The following MAP4K4 variants were observed in gnomAD, a reference collection of about 807,000 sequenced individuals.
MAP4K4 encodes HPK/GCK-like kinase HGK.
Under a neutral mutation model 189.6 loss-of-function variants are expected in MAP4K4, and 38 were observed. That is an observed-to-expected ratio of 0.20 (90% CI 0.15 to 0.26). The LOEUF is 0.26. MAP4K4 is among the 10% of genes least tolerant of loss of function. The pLI is 1.00. For missense variants in MAP4K4, 1,054 were observed against 1,726.9 expected, an observed-to-expected ratio of 0.61 and a Z score of 6.91; for synonymous variants, 610 against 624.3, an observed-to-expected ratio of 0.98 and a Z score of 0.34.
chr2:101,892,017 G>GAAAAAAAAAAAAAAAA (rs1190102913), exon 33 of MAP4K4: 1 of 98,880 alleles, frequency 1.0e-5, no homozygotes, highest in Non-Finnish European at 2.1e-5. Context: ...AAAAAAAAAG[G>GAAAAAAAAAAAAAAAA]AAAAAAAAAA....
At chr2:101,781,996 A>C (rs1379453944) in intron 2 of MAP4K4, among the ~76,000 whole-genome samples, 2 of 152,212 alleles carry the variant, frequency 1.3e-5, no homozygotes, top group Admixed American at 1.3e-4. Context: ...TGGAGTCAGA[A>C]TATTACTGCC....
chr2:101,764,011 A>AT (rs2077528462), intron 2 of MAP4K4, among the ~76,000 whole-genome samples: 1 of 151,868 alleles, frequency 6.6e-6, no homozygotes, highest in Non-Finnish European at 1.5e-5. Context: ...ATTGTGTCAC[A>AT]TTTTTTCATC....
At chr2:101,777,061 C>G (rs958628218) in intron 2 of MAP4K4, among the ~76,000 whole-genome samples, 86 of 152,190 alleles carry the variant, frequency 5.7e-4, no homozygotes, top group Non-Finnish European at 9.3e-4. Flanking sequence ...AGTAGAAAGT[C>G]ATAGCCAGGC....
At chr2:101,797,772 A>G (rs1423107651) in intron 3 of MAP4K4, among the ~76,000 whole-genome samples, 1 of 151,716 alleles carries the variant, frequency 6.6e-6, no homozygotes, top group African/African-American at 2.4e-5. Context: ...TTTAACAAGT[A>G]TAGTGATTTT....
chr2:101,870,174 G>A (rs1193108079), intron 22 of MAP4K4, 121 bp from the exon 23 acceptor site: 2 of 1,010,292 alleles, frequency 2.0e-6, no homozygotes, highest in Non-Finnish European at 2.8e-6. Flanking sequence ...TGCTTTTTTG[G>A]AGGAGGCTTT....
At chr2:101,797,106 C>G (rs2093779358) in intron 3 of MAP4K4, 1 of 679,178 alleles carries the variant, frequency 1.5e-6, no homozygotes. Flanking sequence ...CCATATAACA[C>G]TGAACAATTT....
At chr2:101,854,215 G>C (rs2097372255) in intron 12 of MAP4K4, among the ~76,000 whole-genome samples, 2 of 152,156 alleles carry the variant, frequency 1.3e-5, no homozygotes, top group South Asian at 2.1e-4. Flanking sequence ...TAGTGCAAGA[G>C]ACTTTATAGA....
chr2:101,775,088 G>T (rs1199174476), intron 2 of MAP4K4, among the ~76,000 whole-genome samples: 2 of 149,154 alleles, frequency 1.3e-5, no homozygotes, highest in Non-Finnish European at 3.0e-5. Context: ...GGCATTCGTG[G>T]ATTTTGTAGC....
intron 24 of MAP4K4, among the ~76,000 whole-genome samples, chr2:101,873,255 C>CT (rs1212211291): frequency 3.9e-5 from 6 of 152,166 alleles, no homozygotes; most frequent in Non-Finnish European, 7.3e-5. Context: ...TATTTGGACT[C>CT]TTGGGTAGGA....
chr2:101,807,581 A>T (rs1363790068), intron 3 of MAP4K4, among the ~76,000 whole-genome samples: 1 of 152,212 alleles, frequency 6.6e-6, no homozygotes, highest in African/African-American at 2.4e-5. Context: ...TCACATTGCT[A>T]TAAAGAAATA....
chr2:101,749,845 G>A (rs1335765232), intron 2 of MAP4K4, among the ~76,000 whole-genome samples: 147 of 125,156 alleles, frequency 1.2e-3, no homozygotes, highest in African/African-American at 6.0e-3. Context: ...CAAAAAGTGG[G>A]CGAAGGACAT....
chr2:101,853,530 A>G (rs1173888894), intron 12 of MAP4K4, among the ~76,000 whole-genome samples: 1 of 152,202 alleles, frequency 6.6e-6, no homozygotes, highest in Non-Finnish European at 1.5e-5. Flanking sequence ...GAATCAATCC[A>G]GGATGTCCAA....
chr2:101,735,105 A>G (rs546945887), intron 2 of MAP4K4, among the ~76,000 whole-genome samples: 1 of 152,314 alleles, frequency 6.6e-6, no homozygotes, highest in South Asian at 2.1e-4. Context: ...TCCCTTGATT[A>G]AGAGGCTTAA....
At position 101,729,101 on chromosome 2, in the gene MAP4K4, AGT is replaced by A. The variant is rs57635166; in HGVS notation, c.123+30592_123+30593del. Among the ~76,000 whole-genome samples, 81 of 130,596 alleles carry A rather than the reference AGT, an allele frequency of 6.2e-4. 2 individuals carry two copies. The South Asian group carries it at 0.014, about 23-fold the overall frequency. The allele number at this position is 130,596 out of a possible 152,430, so 85.7% of individuals were successfully genotyped here. On this transcript the variant is annotated intron_variant, in intron 2 of 32. Coordinates refer to ENST00000324219, the Ensembl canonical transcript of MAP4K4. ...AGGAGAGAGAGAGAGAGAGAGAGAG[AGT>A]GTGTGTGTGTGTGTGTGTGTGTGTG...
chr2:101,725,506 G>T (rs1435601450), intron 2 of MAP4K4, among the ~76,000 whole-genome samples: 2 of 152,002 alleles, frequency 1.3e-5, no homozygotes, highest in African/African-American at 2.4e-5. Context: ...AAATGGTAAG[G>T]TATGTACCAT....
chr2:101,834,511 A>T (rs1360817923), intron 8 of MAP4K4, 48 bp downstream of exon 8: 2 of 1,453,590 alleles, frequency 1.4e-6, no homozygotes, highest in Middle Eastern at 1.7e-4. Context: ...ATGTGACTTA[A>T]ACCCCTCCCA....
At chr2:101,825,423 C>A (rs1244157799) in exon 5 of MAP4K4, 1 of 1,611,416 alleles carries the variant, frequency 6.2e-7, no homozygotes, top group East Asian at 2.2e-5. Flanking sequence ...CCAGAGAAAT[C>A]CTGAGGGTAA....
At chr2:101,714,838 C>T (rs1270327509) in intron 2 of MAP4K4, among the ~76,000 whole-genome samples, 2 of 152,076 alleles carry the variant, frequency 1.3e-5, no homozygotes, top group Non-Finnish European at 2.9e-5. Context: ...TCATGGAACT[C>T]ATCAGTCACA....
At chr2:101,849,412 A>T (rs1399265257) in intron 12 of MAP4K4, among the ~76,000 whole-genome samples, 1 of 152,182 alleles carries the variant, frequency 6.6e-6, no homozygotes, top group Non-Finnish European at 1.5e-5. Flanking sequence ...TACAGGCATG[A>T]GCCACTGTGC....
Sources: allele counts gnomAD v4.1 joint callset (sites outside exome capture counted in the v4.1 genomes callset), GRCh38; gene constraint gnomAD v4.1.1; transcripts MANE v1.5; gene names NCBI Gene and HGNC (gene_info 2026-07-23, HGNC 2026-07-21).